NCKAP5: variants seen among roughly 807,000 people sequenced by gnomAD.
NCKAP5 encodes NCK associated protein 5.
Under a neutral mutation model 167.0 loss-of-function variants are expected in NCKAP5, and 92 were observed. The observed-to-expected ratio is 0.55, with a 90% confidence interval of 0.47 to 0.66. The LOEUF is 0.66. Ranked by LOEUF, NCKAP5 falls within the 30% of genes least tolerant of loss-of-function variation. The pLI is 0.00. For missense variants in NCKAP5, 2,378 were observed against 2,315.0 expected, an observed-to-expected ratio of 1.03 and a Z score of -0.56; for synonymous variants, 891 against 877.4, an observed-to-expected ratio of 1.02 and a Z score of -0.27.
intron 18 of NCKAP5, among the ~76,000 whole-genome samples, chr2:132,726,181 G>A (rs1377052832): frequency 2.6e-5 from 4 of 152,134 alleles, no homozygotes; most frequent in African/African-American, 4.8e-5. Flanking sequence ...AGTATCAGAA[G>A]GTAATAAAAC....
chr2:132,697,141 G>C (rs1408066446), intron 19 of NCKAP5, among the ~76,000 whole-genome samples: 1 of 147,252 alleles, frequency 6.8e-6, no homozygotes, highest in Non-Finnish European at 1.5e-5. Context: ...GCCTACCTTG[G>C]TCTCTCTAAG....
At chr2:132,999,389 C>T (rs1196815595) in intron 6 of NCKAP5, among the ~76,000 whole-genome samples, 1 of 152,166 alleles carries the variant, frequency 6.6e-6, no homozygotes, top group African/African-American at 2.4e-5. Flanking sequence ...TAAATTCTCT[C>T]CCAGTTCCCA....
At chr2:132,890,826 T>C (rs895825132) in intron 8 of NCKAP5, among the ~76,000 whole-genome samples, 5 of 152,166 alleles carry the variant, frequency 3.3e-5, no homozygotes, top group Non-Finnish European at 5.9e-5. Flanking sequence ...ACCCAGACAA[T>C]GTCTAGGGCT....
the NCKAP5 span, among the ~76,000 whole-genome samples, chr2:133,607,676 G>A: frequency 6.6e-6 from 1 of 151,990 alleles, no homozygotes; most frequent in Non-Finnish European, 1.5e-5. Context: ...TATAATAGAG[G>A]GAAAAAGCAC....
rs555477910 is a variant in NCKAP5, at chr2:133,023,339, T to C, written c.342-29100A>G. ...ACCTGTGAATATTTTTTCATATTAT[T>C]TTAACATATACATATATTTGTTCTA... On this transcript the variant is annotated intron_variant, in intron 6 of 19. Coordinates refer to ENST00000409261, the MANE Select transcript of NCKAP5 (RefSeq NM_207363.3). Among the ~76,000 whole-genome samples, 3 of 152,382 alleles carry C rather than the reference T, an allele frequency of 2.0e-5. No homozygotes were observed. The East Asian group carries it at 5.8e-4, about 29-fold the overall frequency.
chr2:133,074,675 T>G (rs2149568960), intron 6 of NCKAP5, among the ~76,000 whole-genome samples: 1 of 152,294 alleles, frequency 6.6e-6, no homozygotes, highest in Admixed American at 6.5e-5. Context: ...ATGGAAATTT[T>G]AGAATTAAAA....
At chr2:133,487,976 T>G (rs1401210542) in intron 3 of NCKAP5, among the ~76,000 whole-genome samples, 2 of 152,180 alleles carry the variant, frequency 1.3e-5, no homozygotes, top group African/African-American at 4.8e-5. Context: ...CAGACAGAAC[T>G]GCATTTTCAC....
intron 8 of NCKAP5, among the ~76,000 whole-genome samples, chr2:132,891,581 G>A (rs1485282658): frequency 1.3e-5 from 2 of 152,208 alleles, no homozygotes; most frequent in Non-Finnish European, 2.9e-5. Context: ...AACAGCCTAA[G>A]GGCATAGATC....
At chr2:133,250,790 C>T (rs573634315) in intron 4 of NCKAP5, among the ~76,000 whole-genome samples, 1 of 152,096 alleles carries the variant, frequency 6.6e-6, no homozygotes, top group East Asian at 1.9e-4. Context: ...ATTAGTTGTG[C>T]ATGATGGCAC....
chr2:133,396,479 T>C (rs1687737727), intron 3 of NCKAP5, among the ~76,000 whole-genome samples: 1 of 152,128 alleles, frequency 6.6e-6, no homozygotes, highest in African/African-American at 2.4e-5. Context: ...TTCAAGGGTA[T>C]TTATCCTTGG....
intron 3 of NCKAP5, among the ~76,000 whole-genome samples, chr2:133,504,769 G>A (rs1022564529): frequency 1.3e-5 from 2 of 152,152 alleles, no homozygotes; most frequent in Admixed American, 6.5e-5. Flanking sequence ...TGCATTCCTG[G>A]GGCCTGGCAA....
rs2105061491 is a variant in NCKAP5 at position 133,568,463 on chromosome 2, C to G, written c.-377G>C. The stretch of plus-strand genomic sequence containing the variant: ...CTGGGCTGCGGCTCCGTAGTTGCTT[C>G]GAGCTTGTAAATACAAGCTCCGTGG... On this transcript the variant is annotated 5_prime_UTR_variant, in exon 1 of 20. Coordinates refer to ENST00000409261, the MANE Select transcript of NCKAP5 (RefSeq NM_207363.3). 1 of 152,156 alleles carries G rather than the reference C, an allele frequency of 6.6e-6. No individual in the cohort carries two copies. Among genetic ancestry groups the G allele is most frequent in the South Asian group, 2.1e-4 (1 of 4,818 alleles). The allele number at this position is 152,156 out of a possible 1,614,324, so 9.4% of individuals were successfully genotyped here.
At chr2:133,045,573 G>A (rs61292412) in intron 6 of NCKAP5, among the ~76,000 whole-genome samples, 3,236 of 152,170 alleles carry the variant, frequency 0.021, 95 homozygotes, top group African/African-American at 0.072. Context: ...TATAGGGGAT[G>A]CATTCCAAGG....
chr2:132,873,096 ATTATT>A (rs1211128731), intron 9 of NCKAP5, among the ~76,000 whole-genome samples: 3 of 152,034 alleles, frequency 2.0e-5, no homozygotes, highest in Admixed American at 6.6e-5. Context: ...TTAAGAAAAA[ATTATT>A]TTATTTTATT....
At chr2:132,724,268 A>G (rs993197490) in intron 19 of NCKAP5, among the ~76,000 whole-genome samples, 2 of 152,084 alleles carry the variant, frequency 1.3e-5, no homozygotes, top group Admixed American at 6.6e-5. Flanking sequence ...TGTAGCACTC[A>G]TCTCCCATGA....
intron 11 of NCKAP5, among the ~76,000 whole-genome samples, chr2:132,851,767 T>C (rs1343211094): frequency 6.6e-6 from 1 of 152,210 alleles, no homozygotes; most frequent in Non-Finnish European, 1.5e-5. Context: ...CCTGAAGAGC[T>C]GCGTCAGATT....
chr2:132,811,069 G>A (rs562011204), intron 11 of NCKAP5, among the ~76,000 whole-genome samples: 38 of 152,084 alleles, frequency 2.5e-4, no homozygotes, highest in Non-Finnish European at 5.0e-4. Context: ...GAGTCTACTC[G>A]ACTCCAGACA....
At chr2:132,908,809 A>G (rs1211756432) in intron 8 of NCKAP5, among the ~76,000 whole-genome samples, 2 of 152,202 alleles carry the variant, frequency 1.3e-5, no homozygotes, top group East Asian at 1.9e-4. Flanking sequence ...GTTATTGACA[A>G]ATTATGCTGA....
chr2:133,666,007 GATGAAAGTA>G, the NCKAP5 span, among the ~76,000 whole-genome samples: 1 of 151,908 alleles, frequency 6.6e-6, no homozygotes, highest in Admixed American at 6.6e-5. Flanking sequence ...AAAAATGTAA[GATGAAAGTA>G]AAAATTATCT....
Sources: allele counts gnomAD v4.1 joint callset (sites outside exome capture counted in the v4.1 genomes callset), GRCh38; gene constraint gnomAD v4.1.1; transcripts MANE v1.5; gene names NCBI Gene and HGNC (gene_info 2026-07-23, HGNC 2026-07-21).